Variants in NAV3 observed in about 807,000 individuals in gnomAD.
NAV3 encodes the protein neuron navigator 3, also known as pore membrane and/or filament interacting like protein 1.
NAV3 carries 87 observed loss-of-function variants against 244.7 expected under a neutral mutation model. The ratio of observed to expected loss-of-function variants is 0.36; its 90% CI spans 0.30 to 0.42. The LOEUF is 0.42. Among genes scored for constraint, NAV3 ranks in the 20% least tolerant of loss-of-function variants. The probability of loss-of-function intolerance (pLI) is 1.00; values close to 1 mark genes in which losing one functional copy is unlikely to be tolerated. For missense variants in NAV3, 2,663 were observed against 2,893.3 expected (o/e 0.92, Z 1.83); for synonymous variants, 1,126 against 1,042.2 (o/e 1.08, Z -1.55).
intron 2 of NAV3, among the ~76,000 whole-genome samples, chr12:77,788,074 C>T (rs919421439): frequency 2.6e-5 from 4 of 152,310 alleles, no homozygotes; most frequent in Middle Eastern, 3.4e-3. Flanking sequence ...GTTATTAATT[C>T]TGTCACCATG....
intron 2 of NAV3, among the ~76,000 whole-genome samples, chr12:77,810,134 AT>A (rs900913672): frequency 7.9e-5 from 12 of 151,990 alleles, no homozygotes; most frequent in Admixed American, 7.2e-4. Context: ...TAGTTTACAC[AT>A]TTTTTTGTAC....
At chr12:77,731,749 A>C (rs1877135470) in intron 2 of NAV3, among the ~76,000 whole-genome samples, 1 of 152,034 alleles carries the variant, frequency 6.6e-6, no homozygotes, top group South Asian at 2.1e-4. Context: ...CTTATTAAAA[A>C]TCTTTCCAAA....
intron 2 of NAV3, among the ~76,000 whole-genome samples, chr12:77,780,769 C>G (rs192756705): frequency 7.4e-4 from 113 of 152,290 alleles, no homozygotes; most frequent in African/African-American, 2.7e-3. Flanking sequence ...AAAAGCTTTA[C>G]ATCGCAAAGG....
Position 78,007,334 on chromosome 12 carries a change from T to G in NAV3, c.1796T>G (p.Met599Arg). Residue 599 changes from methionine to arginine, a missense_variant, in exon 8 of 40, where the codon ATG (methionine) becomes AGG (arginine). Met to Arg is a moderately conservative substitution (Grantham distance 91, BLOSUM62 -1). Around this residue, in one of 6 missense-constraint regions of NAV3, gnomAD observed 1,521 missense variants for 1,497.0 expected, o/e 1.02. Transcript: ENST00000397909. ...GCTTCTCCTTCTGGTTCCTGTACCA[T>G]GACAGTGGCACAAAGCAGTGGGCAG... ...GQASPSGSCT[M>R]TVAQSSGQST... The G allele has an allele frequency of 6.2e-7, 1 of 1,614,176 alleles. No individual in the cohort carries two copies. The highest frequency in any genetic ancestry group is 8.5e-7 in the Non-Finnish European group (1 of 1,180,030).
chr12:77,844,754 C>A (rs1181306877), intron 1 of NAV3, among the ~76,000 whole-genome samples: 1 of 152,068 alleles, frequency 6.6e-6, no homozygotes, highest in African/African-American at 2.4e-5. Flanking sequence ...ACTTATTCAT[C>A]CTGTAGTCTA....
At chr12:77,827,605 T>C (rs554284827), upstream of NAV3, among the ~76,000 whole-genome samples, 95 of 152,314 alleles carry the variant, frequency 6.2e-4, 1 homozygote, top group Middle Eastern at 3.4e-3. Flanking sequence ...TTTCCTGAGT[T>C]CAGTCCTATT....
intron 2 of NAV3, among the ~76,000 whole-genome samples, chr12:77,751,405 G>A (rs1432467996): frequency 6.6e-6 from 1 of 152,122 alleles, no homozygotes; most frequent in African/African-American, 2.4e-5. Context: ...TGTAGTTCTC[G>A]TAACTACATT....
intron 2 of NAV3, among the ~76,000 whole-genome samples, chr12:77,667,844 C>T (rs746820913): frequency 7.2e-5 from 11 of 152,134 alleles, no homozygotes; most frequent in Admixed American, 2.0e-4. Context: ...GGCCAACCAA[C>T]ACAAAACTGG....
intron 3 of NAV3, chr12:77,950,564 CTACTT>C (rs1349333230): frequency 1.3e-5 from 2 of 152,152 alleles, no homozygotes. Flanking sequence ...TTGGAAATAA[CTACTT>C]TAAAGTTCAT....
chr12:78,065,027 T>C (rs575961649), intron 12 of NAV3, among the ~76,000 whole-genome samples: 1 of 152,184 alleles, frequency 6.6e-6, no homozygotes, highest in South Asian at 2.1e-4. Flanking sequence ...CAAAAAACTT[T>C]CTTCAGTGGG....
chr12:77,877,555 G>A (rs1388229279), intron 1 of NAV3, among the ~76,000 whole-genome samples: 1 of 152,026 alleles, frequency 6.6e-6, no homozygotes, highest in Admixed American at 6.6e-5. Flanking sequence ...CACTTCTGGA[G>A]CAAAAAAGTG....
intron 2 of NAV3, among the ~76,000 whole-genome samples, chr12:77,732,107 C>A (rs932973732): frequency 5.6e-4 from 85 of 151,982 alleles, no homozygotes; most frequent in Non-Finnish European, 1.8e-4. Flanking sequence ...ACTGAGGTTG[C>A]TGCTAATTTA....
intron 12 of NAV3, among the ~76,000 whole-genome samples, chr12:78,071,747 T>C (rs1482871206): frequency 6.6e-6 from 1 of 152,132 alleles, no homozygotes; most frequent in Non-Finnish European, 1.5e-5. Flanking sequence ...TCCCCATTGC[T>C]TGTTTTTCTC....
At chr12:77,717,444 T>C (rs547993672) in intron 2 of NAV3, among the ~76,000 whole-genome samples, 3 of 152,268 alleles carry the variant, frequency 2.0e-5, no homozygotes, top group African/African-American at 7.2e-5. Context: ...TATAGCATAT[T>C]ATAGAATTTC....
intron 2 of NAV3, among the ~76,000 whole-genome samples, chr12:77,597,995 G>A (rs1404173629): frequency 6.6e-6 from 1 of 151,742 alleles, no homozygotes; most frequent in Non-Finnish European, 1.5e-5. Flanking sequence ...AAAAGGCTCT[G>A]AACACTGAAA....
chr12:77,716,865 A>T (rs1876385442), intron 2 of NAV3, among the ~76,000 whole-genome samples: 1 of 152,078 alleles, frequency 6.6e-6, no homozygotes, highest in Non-Finnish European at 1.5e-5. Flanking sequence ...GATATGCATG[A>T]AGCAAAAGCT....
At chr12:77,611,096 A>T (rs1051564675) in intron 2 of NAV3, among the ~76,000 whole-genome samples, 13 of 151,748 alleles carry the variant, frequency 8.6e-5, no homozygotes, top group Non-Finnish European at 1.6e-4. Context: ...TATTTTATTC[A>T]TTTGAAATGC....
chr12:78,153,072 G>GTTTT (rs1158490414), intron 22 of NAV3, among the ~76,000 whole-genome samples: 1 of 151,922 alleles, frequency 6.6e-6, no homozygotes, highest in African/African-American at 2.4e-5. Context: ...TATTTGGGGT[G>GTTTT]TTTTTTATAT....
intron 2 of NAV3, among the ~76,000 whole-genome samples, chr12:77,779,529 A>C (rs192384494): frequency 9.4e-4 from 143 of 152,340 alleles, no homozygotes; most frequent in African/African-American, 3.0e-3. Context: ...GAGCAAACAC[A>C]TGGGGCTATG....
Sources: gnomAD v4.1 joint callset for allele counts (sites outside exome capture counted in the v4.1 genomes callset) on GRCh38, gnomAD v4.1.1 for gene constraint, gnomAD v4.1.1 regional missense constraint, MANE v1.5 for transcripts, NCBI Gene and HGNC (gene_info 2026-07-23, HGNC 2026-07-21) for gene names.